Variants in MED23 observed in about 807,000 individuals in gnomAD.
MED23 encodes the protein mediator complex subunit 23.
Under a neutral mutation model 163.9 loss-of-function variants are expected in MED23, and 105 were observed. The ratio of observed to expected loss-of-function variants is 0.64; its 90% CI spans 0.55 to 0.75. MED23 has a LOEUF of 0.75. MED23 is among the 30% of genes least tolerant of loss of function. MED23 has a pLI of 0.00. For synonymous variants in MED23, 561 were observed against 565.6 expected, an observed-to-expected ratio of 0.99 and a Z score of 0.12; for missense variants, 1,054 against 1,649.0, an observed-to-expected ratio of 0.64 and a Z score of 6.25.
chr6:131,579,106 TTTA>T (rs774347014), intron 30 of MED23: 1 of 1,613,956 alleles, frequency 6.2e-7, no homozygotes, highest in Non-Finnish European at 8.5e-7. Context: ...ACTTTTTAAT[TTTA>T]GAGTGTGATG....
chr6:131,582,538 A>T, downstream of MED23: 1 of 1,011,898 alleles, frequency 9.9e-7, no homozygotes, highest in East Asian at 2.4e-5. Context: ...AGATATACGC[A>T]ATCCAATATG....
intron 20 of MED23, among the ~76,000 whole-genome samples, chr6:131,597,475 CAAAAAAAAAA>C (rs59083644): frequency 1.5e-4 from 8 of 53,754 alleles, no homozygotes; most frequent in African/African-American, 5.5e-4. Flanking sequence ...GACTCCATAT[CAAAAAAAAAA>C]AAAAAAAAAA....
At chr6:131,591,631 TC>T in intron 25 of MED23, 104 bp from the exon 26 acceptor site, 2 of 916,786 alleles carry the variant, frequency 2.2e-6, no homozygotes, top group Non-Finnish European at 3.4e-6. Context: ...TTTCTATTTT[TC>T]CAGCTTCTGC....
downstream of MED23, chr6:131,582,823 A>C (rs1774003595): frequency 1.1e-6 from 1 of 923,790 alleles, no homozygotes; most frequent in Non-Finnish European, 1.8e-6. Flanking sequence ...AGACACACAC[A>C]CACACACATG....
intron 8 of MED23, 102 bp downstream of exon 8, chr6:131,619,725 A>T: frequency 2.3e-6 from 2 of 879,658 alleles, no homozygotes; most frequent in Non-Finnish European, 3.7e-6. Flanking sequence ...CAAAATGACA[A>T]GCCACCAAGG....
rs10691312 is a variant in MED23 at position 131,622,098 on chromosome 6, C to CAG, written c.397-121_397-120dup. On this transcript the variant is annotated intron_variant, in intron 5 of 28. Coordinates refer to ENST00000368068, the MANE Select transcript of MED23 (RefSeq NM_004830.4). ...GGTCACACCTTTAAATTTTCTGAAT[C>CAG]AGTTACAATCTAAGTCCCTAACATT... 0.01 allele frequency: 6,927 copies of CAG among 674,020 alleles called. 355 individuals are homozygous for CAG. The African/African-American group carries it at 0.11, about 10-fold the overall frequency. 41.8% of individuals were successfully genotyped at this position (674,020 alleles called of 1,614,324 possible).
intron 10 of MED23, chr6:131,615,631 G>C (rs1392489508): frequency 1.8e-6 from 1 of 556,324 alleles, no homozygotes; most frequent in African/African-American, 1.9e-5. Flanking sequence ...GTCATGTGTA[G>C]GTTTCTCTGG....
At chr6:131,578,406 C>T (rs1006662790) in intron 30 of MED23, among the ~76,000 whole-genome samples, 1 of 152,106 alleles carries the variant, frequency 6.6e-6, no homozygotes, top group African/African-American at 2.4e-5. Flanking sequence ...TTTTACATGA[C>T]ACTCTCTACT....
At position 131,587,642 on chromosome 6, in the gene MED23, G is replaced by T; in HGVS notation, c.*37C>A. The T allele has an allele frequency of 6.2e-7, 1 of 1,613,470 alleles. No individual in the cohort carries two copies. The highest frequency in any genetic ancestry group is 1.1e-5 in the South Asian group (1 of 90,930). ...AAGGTTTGAGTCCACTCTCAAAGACGGATATATTTCTACTTTCTCCACAGT... is the reference window on the plus strand; with the variant it reads ...AAGGTTTGAGTCCACTCTCAAAGACTGATATATTTCTACTTTCTCCACAGT... On this transcript the variant is annotated 3_prime_UTR_variant, in exon 29 of 29. Coordinates refer to ENST00000368068, the MANE Select transcript of MED23 (RefSeq NM_004830.4).
intron 4 of MED23, among the ~76,000 whole-genome samples, 192 bp downstream of exon 4, chr6:131,624,673 G>A (rs1185810505): frequency 1.3e-5 from 2 of 152,152 alleles, no homozygotes; most frequent in Non-Finnish European, 2.9e-5. Context: ...CTGGTTTTGA[G>A]CCCACAAGCA....
chr6:131,597,339 G>A lies in MED23; in HGVS notation c.2608-651C>T, dbSNP rs556089026. Among the ~76,000 whole-genome samples, 17 of 151,958 alleles carry A rather than the reference G, an allele frequency of 1.1e-4. No homozygotes were observed. The East Asian group carries it at 3.3e-3, about 29-fold the overall frequency. On this transcript the variant is annotated intron_variant, in intron 20 of 28. Transcript: ENST00000368068. ...AAAATACAAAAAATTAGCCGGGTGTGGTGGTGGGCACCTGTAGTCCCAGCT... is the reference window on the plus strand; with the variant it reads ...AAAATACAAAAAATTAGCCGGGTGTAGTGGTGGGCACCTGTAGTCCCAGCT...
In MED23 at chr6:131,628,114, A is replaced by C; in HGVS notation, c.-65T>G. 6.3e-7 allele frequency: 1 copy of C among 1,582,850 alleles called. No homozygotes were observed. Among genetic ancestry groups the C allele is most frequent in the Non-Finnish European group, 8.7e-7 (1 of 1,153,640 alleles). ...GCCCGGATCAGACTCGAGCTCTGGG[A>C]ATATAGGGGCAGAGGGGCGGAGACC... On this transcript the variant is annotated 5_prime_UTR_variant, in exon 1 of 29. In the 5' UTR this introduces an upstream ATG that the reference lacks. Coordinates refer to ENST00000368068, the MANE Select transcript of MED23 (RefSeq NM_004830.4).
At chr6:131,610,385 A>G in intron 10 of MED23, 139 bp from the exon 11 acceptor site, 1 of 799,078 alleles carries the variant, frequency 1.3e-6, no homozygotes, top group Admixed American at 2.0e-5. Context: ...GGTTAGATTT[A>G]GTCTATTAAA....
intron 10 of MED23, chr6:131,615,299 T>C: frequency 6.2e-7 from 1 of 1,610,236 alleles, no homozygotes; most frequent in Non-Finnish European, 8.5e-7. Flanking sequence ...TTAGTCACAA[T>C]ACAACAGTAA....
chr6:131,627,865 T>A, intron 1 of MED23, 146 bp downstream of exon 1: 1 of 1,165,072 alleles, frequency 8.6e-7, no homozygotes, highest in Non-Finnish European at 1.3e-6. Flanking sequence ...ATCACTAAAC[T>A]TCCCCGCATA....
chr6:131,616,445 A>G (rs1776696129), intron 9 of MED23, among the ~76,000 whole-genome samples: 1 of 152,344 alleles, frequency 6.6e-6, no homozygotes, highest in East Asian at 1.9e-4. Context: ...CCTTTCTGTT[A>G]AAACTTAACA....
At chr6:131,596,439 GAA>G in intron 21 of MED23, 77 bp downstream of exon 21, 1 of 1,513,444 alleles carries the variant, frequency 6.6e-7, no homozygotes. Flanking sequence ...GAACCAGAGA[GAA>G]AACGGCCAAA....
At chr6:131,575,721 G>A (rs1773581218) in intron 30 of MED23, among the ~76,000 whole-genome samples, 1 of 152,194 alleles carries the variant, frequency 6.6e-6, no homozygotes, top group African/African-American at 2.4e-5. Flanking sequence ...ATTAAAATCA[G>A]AAAGATACAG....
In MED23 at chr6:131,589,536, A is replaced by C. The variant is rs1585448544; in HGVS notation, c.3868T>G (p.Tyr1290Asp). The change falls in exon 28 of 29, where the codon TAC (tyrosine) becomes GAC (aspartate). Residue 1290 changes from tyrosine to aspartate, a missense_variant. This residue lies in a region of MED23 where 362 missense variants were observed against 471.6 expected (regional missense o/e 0.77). Coordinates refer to ENST00000368068, the MANE Select transcript of MED23 (RefSeq NM_004830.4). ...AGGAAGTCACAGATGGGATCCATGTAATTTAAATGGGTGCTACACTGGTCA... is the reference window on the plus strand; with the variant it reads ...AGGAAGTCACAGATGGGATCCATGTCATTTAAATGGGTGCTACACTGGTCA... ...NVDQCSTHLN[Y>D]MDPICDFLYH... 1.9e-6 allele frequency: 3 copies of C among 1,613,900 alleles called. No individual in the cohort carries two copies. The highest frequency in any genetic ancestry group is 2.5e-6 in the Non-Finnish European group (3 of 1,179,774).
Sources: allele counts gnomAD v4.1 joint callset (sites outside exome capture counted in the v4.1 genomes callset), GRCh38; gene constraint gnomAD v4.1.1; regional missense constraint gnomAD v4.1.1; transcripts MANE v1.5; gene names NCBI Gene and HGNC (gene_info 2026-07-23, HGNC 2026-07-21).